Variants in CCSER1 observed in about 807,000 individuals in gnomAD.
CCSER1 encodes serine-rich coiled-coil domain-containing protein 1.
Under a neutral mutation model 82.0 loss-of-function variants are expected in CCSER1, and 41 were observed. The ratio of observed to expected loss-of-function variants is 0.50; its 90% CI spans 0.39 to 0.65. The LOEUF is 0.65. Among genes scored for constraint, CCSER1 ranks in the 30% least tolerant of loss-of-function variants. The pLI is 0.00. For synonymous variants in CCSER1, 414 were observed against 383.9 expected (o/e 1.08, Z -0.92); for missense variants, 1,119 against 1,064.2 (o/e 1.05, Z -0.72).
At chr4:90,798,612 T>C (rs1201280548) in intron 7 of CCSER1, among the ~76,000 whole-genome samples, 1 of 152,244 alleles carries the variant, frequency 6.6e-6, no homozygotes, top group East Asian at 1.9e-4. Flanking sequence ...TGGGCTTATC[T>C]ACCTTCAGTG....
intron 5 of CCSER1, among the ~76,000 whole-genome samples, chr4:90,579,604 A>T (rs1158010565): frequency 6.6e-6 from 1 of 152,156 alleles, no homozygotes; most frequent in African/African-American, 2.4e-5. Flanking sequence ...GCACTCATGG[A>T]CTGTAGCTAT....
intron 6 of CCSER1, among the ~76,000 whole-genome samples, chr4:90,657,226 T>TA (rs1401887151): frequency 2.0e-5 from 3 of 152,102 alleles, no homozygotes; most frequent in Admixed American, 6.6e-5. Context: ...TTTAACTAAA[T>TA]AAAAAAATCT....
intron 10 of CCSER1, among the ~76,000 whole-genome samples, chr4:91,476,111 G>A (rs1757579573): frequency 6.6e-6 from 1 of 151,730 alleles, no homozygotes; most frequent in Non-Finnish European, 1.5e-5. Context: ...GGAAGTGCAG[G>A]TATTGCTTCA....
chr4:90,266,971 A>G (rs1163795776), intron 1 of CCSER1, among the ~76,000 whole-genome samples: 1 of 151,776 alleles, frequency 6.6e-6, no homozygotes, highest in Non-Finnish European at 1.5e-5. Context: ...ATAAGAATAA[A>G]GGGGACTTTG....
intron 1 of CCSER1, among the ~76,000 whole-genome samples, chr4:90,292,919 A>T (rs927004885): frequency 6.6e-6 from 1 of 152,088 alleles, no homozygotes; most frequent in African/African-American, 2.4e-5. Context: ...TTAATTTACT[A>T]TCCTAACATG....
At chr4:91,398,727 A>G (rs1030169105) in intron 10 of CCSER1, among the ~76,000 whole-genome samples, 8 of 151,892 alleles carry the variant, frequency 5.3e-5, no homozygotes, top group Non-Finnish European at 7.4e-5. Context: ...AGGAATCAGC[A>G]ACAGAAAGTA....
At chr4:90,760,745 A>T (rs959353458) in intron 7 of CCSER1, among the ~76,000 whole-genome samples, 1 of 152,090 alleles carries the variant, frequency 6.6e-6, no homozygotes, top group African/African-American at 2.4e-5. Flanking sequence ...ATGGGACTAC[A>T]GGTAAGTTTT....
chr4:90,927,856 T>C (rs1729253322), intron 9 of CCSER1, among the ~76,000 whole-genome samples: 2 of 152,038 alleles, frequency 1.3e-5, no homozygotes, highest in Non-Finnish European at 2.9e-5. Flanking sequence ...GTAATTGTTT[T>C]ATTAGATAGA....
At chr4:90,826,464 A>G (rs1009498225) in intron 8 of CCSER1, among the ~76,000 whole-genome samples, 2 of 152,192 alleles carry the variant, frequency 1.3e-5, no homozygotes, top group African/African-American at 4.8e-5. Context: ...AAGCAAAGGG[A>G]GATAGGCTTA....
chr4:91,362,852 C>T (rs1312537243), intron 10 of CCSER1, among the ~76,000 whole-genome samples: 1 of 151,784 alleles, frequency 6.6e-6, no homozygotes, highest in African/African-American at 2.4e-5. Context: ...ACTTGCTTTG[C>T]CATGTTCTCC....
intron 1 of CCSER1, among the ~76,000 whole-genome samples, chr4:90,187,365 T>G (rs1404779335): frequency 3.3e-5 from 5 of 151,430 alleles, no homozygotes; most frequent in Non-Finnish European, 7.4e-5. Context: ...GCTATTTTTT[T>G]TTTTTTTTTT....
At chr4:90,631,470 A>T (rs1331379833) in intron 6 of CCSER1, among the ~76,000 whole-genome samples, 2 of 152,224 alleles carry the variant, frequency 1.3e-5, no homozygotes, top group African/African-American at 4.8e-5. Context: ...TTGAGGGAAC[A>T]TCTTCTACAA....
chr4:91,029,525 A>G (rs1740789996), intron 9 of CCSER1, among the ~76,000 whole-genome samples: 1 of 152,026 alleles, frequency 6.6e-6, no homozygotes, highest in Non-Finnish European at 1.5e-5. Context: ...CAACCATGAA[A>G]GTTATCCTCA....
chr4:91,439,663 A>T (rs988524234), intron 10 of CCSER1, among the ~76,000 whole-genome samples: 9 of 152,122 alleles, frequency 5.9e-5, no homozygotes, highest in Non-Finnish European at 1.2e-4. Context: ...AAAGACACAG[A>T]CTGGCAAATT....
At chr4:90,451,347 G>A (rs1274626669) in intron 4 of CCSER1, among the ~76,000 whole-genome samples, 1 of 152,114 alleles carries the variant, frequency 6.6e-6, no homozygotes, top group Non-Finnish European at 1.5e-5. Context: ...TTGGCATATG[G>A]GTGAAATCCA....
intron 1 of CCSER1, among the ~76,000 whole-genome samples, chr4:90,280,526 A>G (rs1282343260): frequency 6.6e-6 from 1 of 151,974 alleles, no homozygotes; most frequent in East Asian, 1.9e-4. Context: ...TACATGACAA[A>G]TGGATCCCCA....
intron 10 of CCSER1, among the ~76,000 whole-genome samples, chr4:91,457,629 C>T (rs575276880): frequency 6.6e-6 from 1 of 152,050 alleles, no homozygotes; most frequent in African/African-American, 2.4e-5. Flanking sequence ...GTGATTGTGC[C>T]ACTGCACTCA....
At chr4:90,416,617 T>C (rs1755831509) in intron 4 of CCSER1, among the ~76,000 whole-genome samples, 1 of 152,228 alleles carries the variant, frequency 6.6e-6, no homozygotes, top group Non-Finnish European at 1.5e-5. Flanking sequence ...CTTGAAATTT[T>C]AGACAGTTTT....
At chr4:90,915,961 T>C (rs1727320318) in intron 8 of CCSER1, among the ~76,000 whole-genome samples, 1 of 151,998 alleles carries the variant, frequency 6.6e-6, no homozygotes, top group Non-Finnish European at 1.5e-5. Flanking sequence ...TTACAAGGGG[T>C]GTGAAGGACC....
Sources: allele counts gnomAD v4.1 joint callset (sites outside exome capture counted in the v4.1 genomes callset), GRCh38; gene constraint gnomAD v4.1.1; transcripts MANE v1.5; gene names NCBI Gene and HGNC (gene_info 2026-07-23, HGNC 2026-07-21).